The following STMND1 variants were observed in gnomAD, a reference collection of about 807,000 sequenced individuals.
STMND1 encodes stathmin domain containing 1.
A neutral mutation model predicts 23.0 loss-of-function variants in STMND1; 17 were observed. The ratio of observed to expected loss-of-function variants is 0.74; its 90% CI spans 0.51 to 1.11. The LOEUF (loss-of-function observed/expected upper bound fraction) is 1.11. Among genes scored for constraint, STMND1 ranks in the 50% least tolerant of loss-of-function variants. The pLI is 0.00. For synonymous variants in STMND1, 114 were observed against 119.9 expected (o/e 0.95, Z 0.32); for missense variants, 305 against 329.1 (o/e 0.93, Z 0.57).
At position 17,112,205 on chromosome 6, in the gene STMND1, A is replaced by G. The variant is rs181200397; in HGVS notation, c.82-2757A>G. On this transcript the variant is annotated intron_variant, in intron 1 of 4. Coordinates refer to ENST00000536551, the MANE Select transcript of STMND1 (RefSeq NM_001190766.2). ...ATCTTCTGTTTCTATAAATTTGCCTATTCTCAATATGAATGGCCTTTGTGA... is the reference window on the plus strand; with the variant it reads ...ATCTTCTGTTTCTATAAATTTGCCTGTTCTCAATATGAATGGCCTTTGTGA... 3.8e-4 allele frequency among the ~76,000 whole-genome samples: 58 copies of G among 152,320 alleles called. No individual in the cohort carries two copies. In the East Asian group the frequency reaches 8.5e-3, roughly 22 times the overall value.
intron 3 of STMND1, among the ~76,000 whole-genome samples, chr6:17,126,049 TATATATATATATATATA>T (rs1761291853): frequency 3.2e-5 from 1 of 31,246 alleles, no homozygotes; most frequent in South Asian, 1.9e-3. Context: ...TATATATATA[TATATATATATATATATA>T]TATATTTTTT....
In STMND1 at chr6:17,130,577, T is replaced by C. The variant is rs1374256837; in HGVS notation, c.544-17T>C. ...AGTTATTCACGCTCTTTTTCATTCT[T>C]TAATACTGCATTTCAGACTAAAGAA... On this transcript the variant is annotated splice_polypyrimidine_tract_variant and intron_variant, in intron 4 of 4. Coordinates refer to ENST00000536551, the MANE Select transcript of STMND1 (RefSeq NM_001190766.2). The C allele has an allele frequency of 6.7e-7, 1 of 1,486,212 alleles. No individual in the cohort carries two copies. The allele number at this position is 1,486,212 out of a possible 1,614,324, so 92.1% of individuals were successfully genotyped here.
intron 1 of STMND1, among the ~76,000 whole-genome samples, chr6:17,103,955 C>T (rs1253303702): frequency 6.6e-6 from 1 of 152,094 alleles, no homozygotes; most frequent in East Asian, 1.9e-4. Flanking sequence ...CCTATCTTGC[C>T]AAGGGAAAAA....
intron 1 of STMND1, among the ~76,000 whole-genome samples, chr6:17,112,660 C>T (rs2113479423): frequency 6.6e-6 from 1 of 152,154 alleles, no homozygotes; most frequent in African/African-American, 2.4e-5. Flanking sequence ...GCCTGTAGTC[C>T]CAGCTACTCA....
chr6:17,108,068 A>C (rs1325231049), intron 1 of STMND1, among the ~76,000 whole-genome samples: 1 of 152,188 alleles, frequency 6.6e-6, no homozygotes, highest in African/African-American at 2.4e-5. Flanking sequence ...GCTCTGGTTT[A>C]TGTTGTTTCA....
chr6:17,129,065 C>T, intron 3 of STMND1, 47 bp from the exon 4 acceptor site: 1 of 1,517,960 alleles, frequency 6.6e-7, no homozygotes, highest in Non-Finnish European at 8.8e-7. Context: ...TTCTCTTCTG[C>T]CAGTGAATAT....
chr6:17,126,070 A>ATATTT (rs1561925814), intron 3 of STMND1, among the ~76,000 whole-genome samples: 3 of 20,532 alleles, frequency 1.5e-4, no homozygotes, highest in East Asian at 2.7e-3. Context: ...ATATATATAT[A>ATATTT]TTTTTTTTTT....
At chr6:17,102,426 A>G in intron 1 of STMND1, 88 bp downstream of exon 1, 2 of 1,488,930 alleles carry the variant, frequency 1.3e-6, no homozygotes, top group South Asian at 2.5e-5. Context: ...TGGGGGCGAC[A>G]AGAGTTGGCT....
intron 2 of STMND1, among the ~76,000 whole-genome samples, chr6:17,116,041 T>A (rs1193661926): frequency 6.6e-6 from 1 of 152,188 alleles, no homozygotes; most frequent in Non-Finnish European, 1.5e-5. Flanking sequence ...AAATACATTT[T>A]TTTTCTTTCC....
rs1561925680 is a variant in STMND1, at chr6:17,126,051, TA to T, written c.412-3060del. Among the ~76,000 whole-genome samples, 174 of 32,598 alleles carry T rather than the reference TA, an allele frequency of 5.3e-3. 6 individuals carry two copies. The highest frequency in any genetic ancestry group is 6.1e-3 in the African/African-American group (42 of 6,900). 21.4% of individuals were successfully genotyped at this position (32,598 alleles called of 152,430 possible). ...TCATTGTTTTATATATATATATATA[TA>T]TATATATATATATATATATTTTTTT... On this transcript the variant is annotated intron_variant, in intron 3 of 4. Coordinates refer to ENST00000536551, the MANE Select transcript of STMND1 (RefSeq NM_001190766.2).
chr6:17,102,323 G>C lies in STMND1; in HGVS notation c.66G>C (p.Trp22Cys). ...GTGTACGCGCGCCCAAGAAGGGCTG[G>C]AAAGAGGAATTCAAGGTAATAAACA... ...RRRVRAPKKG[W>C]KEEFKADVSV... Residue 22 changes from tryptophan to cysteine, a missense_variant, in exon 1 of 5, where the codon TGG (tryptophan) becomes TGC (cysteine). By Grantham distance (215) the Trp-to-Cys change is radical. Coordinates refer to ENST00000536551, the MANE Select transcript of STMND1 (RefSeq NM_001190766.2). 10 of 1,535,954 alleles carry C rather than the reference G, an allele frequency of 6.5e-6. No individual in the cohort carries two copies. Among genetic ancestry groups the C allele is most frequent in the Non-Finnish European group, 8.7e-6 (10 of 1,146,874 alleles).
intron 1 of STMND1, among the ~76,000 whole-genome samples, chr6:17,110,251 T>C (rs1761079454): frequency 6.6e-6 from 1 of 152,150 alleles, no homozygotes; most frequent in Admixed American, 6.5e-5. Flanking sequence ...AGGCATGGCG[T>C]CACGTGCCTG....
At chr6:17,121,984 T>A (rs529950618) in intron 3 of STMND1, among the ~76,000 whole-genome samples, 1 of 151,998 alleles carries the variant, frequency 6.6e-6, no homozygotes, top group South Asian at 2.1e-4. Flanking sequence ...TGCCTCAGCC[T>A]CCTAGGCAGC....
intron 1 of STMND1, among the ~76,000 whole-genome samples, chr6:17,112,811 A>G (rs1391321286): frequency 6.6e-6 from 1 of 152,136 alleles, no homozygotes; most frequent in Admixed American, 6.5e-5. Flanking sequence ...TCTGGGTCAC[A>G]TGGTTAACTC....
chr6:17,108,555 G>A (rs13210795), intron 1 of STMND1, among the ~76,000 whole-genome samples: 24,936 of 152,112 alleles, frequency 0.16, 2,475 homozygotes, highest in South Asian at 0.31. Flanking sequence ...TTGTCTTACC[G>A]TCACTGTAGA....
At chr6:17,111,463 G>A (rs778164490) in intron 1 of STMND1, among the ~76,000 whole-genome samples, 4 of 152,124 alleles carry the variant, frequency 2.6e-5, no homozygotes, top group South Asian at 2.1e-4. Context: ...ATATTGAAAA[G>A]TTAGAAACAC....
At chr6:17,103,792 G>A (rs1186000264) in intron 1 of STMND1, among the ~76,000 whole-genome samples, 1 of 151,792 alleles carries the variant, frequency 6.6e-6, no homozygotes, top group Non-Finnish European at 1.5e-5. Flanking sequence ...GGCTGGTCTC[G>A]AACTCCTGAC....
intron 3 of STMND1, among the ~76,000 whole-genome samples, chr6:17,124,910 G>A (rs1399214742): frequency 6.6e-6 from 1 of 151,586 alleles, no homozygotes; most frequent in Non-Finnish European, 1.5e-5. Flanking sequence ...GAGGTTGGAG[G>A]ATCACTTGAG....
At chr6:17,113,455 A>G (rs1290585501) in intron 1 of STMND1, among the ~76,000 whole-genome samples, 1 of 152,180 alleles carries the variant, frequency 6.6e-6, no homozygotes. Context: ...AATCTCCTTT[A>G]CTTAAAGTCA....
Sources: gnomAD v4.1 joint callset for allele counts (sites outside exome capture counted in the v4.1 genomes callset) on GRCh38, gnomAD v4.1.1 for gene constraint, MANE v1.5 for transcripts, NCBI Gene and HGNC (gene_info 2026-07-23, HGNC 2026-07-21) for gene names.